SIN3B: variants seen among roughly 807,000 people sequenced by gnomAD.
SIN3B encodes SIN3 transcription regulator family member B, also known as paired amphipathic helix protein Sin3b.
SIN3B carries 19 observed loss-of-function variants against 120.2 expected under a neutral mutation model. That is an observed-to-expected ratio of 0.16 (90% confidence interval 0.11 to 0.23). The LOEUF (loss-of-function observed/expected upper bound fraction) is 0.23. SIN3B is among the 10% of genes least tolerant of loss of function. The pLI is 1.00. For missense variants in SIN3B, 1,073 were observed against 1,573.0 expected, an observed-to-expected ratio of 0.68 and a Z score of 5.38; for synonymous variants, 654 against 653.2, an observed-to-expected ratio of 1.00 and a Z score of -0.02.
rs749567189 is a variant in SIN3B, at chr19:16,847,143, G to T, written c.726+30G>T. The T allele has an allele frequency of 3.8e-6, 6 of 1,594,460 alleles. No individual in the cohort carries two copies. In the African/African-American group the frequency reaches 5.4e-5, roughly 14 times the overall value. On this transcript the variant is annotated intron_variant, in intron 5 of 18. Transcript: ENST00000248054. ...GTGCCGAGAGCCCCTGCCCAGCCTC[G>T]GGGGCCTCAGCGAGGACGGAGGGCC...
intron 10 of SIN3B, 131 bp downstream of exon 10, chr19:16,863,927 C>G: frequency 1.6e-6 from 1 of 637,350 alleles, no homozygotes; most frequent in Non-Finnish European, 2.8e-6. Context: ...ATTCCAACAG[C>G]TCCTGGAAGC....
intron 8 of SIN3B, chr19:16,854,602 C>A: frequency 5.1e-6 from 1 of 195,258 alleles, no homozygotes; most frequent in South Asian, 8.7e-5. Context: ...GCACGTTCTC[C>A]CCATGTCTGC....
At chr19:16,836,238 C>T (rs1047160175) in intron 3 of SIN3B, among the ~76,000 whole-genome samples, 24 of 152,170 alleles carry the variant, frequency 1.6e-4, no homozygotes, top group Admixed American at 4.6e-4. Flanking sequence ...AAGTGTCTCC[C>T]GTGTTGCCGA....
rs776639335 is a variant in SIN3B at position 16,863,706 on chromosome 19, C to T, written c.1293C>T (p.Phe431=). Residue 431 remains phenylalanine, a synonymous_variant, in exon 10 of 19, where the codon TTC becomes TTT. Coordinates refer to ENST00000248054, the MANE Select transcript of SIN3B (RefSeq NM_001297595.2). The part of the protein sequence containing the change: ...KEVLNDTWVS[F]PSWSEDSTFV... ...TACTGAACGACACCTGGGTCTCCTTCCCTTCCTGGTCTGAGGACTCCACGT... is the reference window on the plus strand; with the variant it reads ...TACTGAACGACACCTGGGTCTCCTTTCCTTCCTGGTCTGAGGACTCCACGT... The T allele has an allele frequency of 5.5e-5, 88 of 1,614,006 alleles. 1 individual carries two copies. The South Asian group carries it at 9.7e-4, about 18-fold the overall frequency.
At chr19:16,859,180 C>T (rs751915268) in intron 8 of SIN3B, among the ~76,000 whole-genome samples, 4 of 152,114 alleles carry the variant, frequency 2.6e-5, no homozygotes, top group Admixed American at 6.5e-5. Context: ...AGGCTCAGGT[C>T]GAACCCCTCT....
intron 14 of SIN3B, among the ~76,000 whole-genome samples, chr19:16,875,612 G>T (rs1438387691): frequency 1.4e-5 from 2 of 139,966 alleles, no homozygotes; most frequent in Non-Finnish European, 3.1e-5. Flanking sequence ...TCTGGTTTTG[G>T]TCTGGTTTGG....
intron 10 of SIN3B, 104 bp from the exon 11 acceptor site, chr19:16,865,306 A>ACCCCCC (rs10625481): frequency 1.3e-5 from 5 of 388,728 alleles, no homozygotes; most frequent in African/African-American, 2.7e-5. Flanking sequence ...AAATACACAC[A>ACCCCCC]CCCCCCCCCC....
In SIN3B at chr19:16,851,538, C is replaced by G. The variant is rs749645480; in HGVS notation, c.849+4C>G. ...CCCCGTGTCTGCACCCGCCAAGGTA[C>G]CTGTGAGCCACATGCAGCCATGCCT... On this transcript the variant is annotated splice_donor_region_variant and intron_variant, in intron 6 of 18. Transcript: ENST00000248054. The G allele has an allele frequency of 6.3e-7, 1 of 1,590,106 alleles. No individual in the cohort carries two copies. Among genetic ancestry groups the G allele is most frequent in the Admixed American group, 1.8e-5 (1 of 56,698 alleles).
chr19:16,829,417 G>C lies in SIN3B; in HGVS notation c.-4G>C. On this transcript the variant is annotated 5_prime_UTR_variant, in exon 1 of 19. Coordinates refer to ENST00000248054, the MANE Select transcript of SIN3B (RefSeq NM_001297595.2). ...CGGGGCGGGGCGCAGCTCCGACTTC[G>C]GACATGGCGCACGCTGGCGGTGGCA... 4.2e-6 allele frequency: 5 copies of C among 1,204,350 alleles called. No individual in the cohort carries two copies. The highest frequency in any genetic ancestry group is 4.1e-6 in the Non-Finnish European group (4 of 970,102). The allele number at this position is 1,204,350 out of a possible 1,614,324, so 74.6% of individuals were successfully genotyped here. A position where few individuals can be genotyped will look rare whatever the true frequency, so the allele number is the denominator to read the frequency against.
rs2051676134 is a variant in SIN3B at position 16,880,170 on chromosome 19, G to A, written c.*1443G>A. On this transcript the variant is annotated 3_prime_UTR_variant, in exon 19 of 19. Transcript: ENST00000248054. ...CAGAGCCACCTGGGCCCCGGGTGCA[G>A]CCGGAGACCCCGCCGAGCCCCTCCT... is the stretch of plus-strand genomic sequence containing the variant. 2 of 152,210 alleles carry A rather than the reference G, an allele frequency of 1.3e-5. No homozygotes were observed. Among genetic ancestry groups the A allele is most frequent in the Non-Finnish European group, 2.9e-5 (2 of 68,058 alleles). The allele number at this position is 152,210 out of a possible 1,614,324, so 9.4% of individuals were successfully genotyped here.
chr19:16,831,660 A>G lies in SIN3B; in HGVS notation c.381+13A>G, dbSNP rs372131912. On this transcript the variant is annotated intron_variant, in intron 3 of 18. Coordinates refer to ENST00000248054, the MANE Select transcript of SIN3B (RefSeq NM_001297595.2). Reference sequence around the variant, plus strand: ...TCTGACAAGCCAGGTATGCCACTACAGTGGTTCGGGTGATCTCAGCCTTCA... The same window carrying G: ...TCTGACAAGCCAGGTATGCCACTACGGTGGTTCGGGTGATCTCAGCCTTCA... The G allele has an allele frequency of 1.9e-6, 3 of 1,613,372 alleles. No individual in the cohort carries two copies. Among genetic ancestry groups the G allele is most frequent in the South Asian group, 1.1e-5 (1 of 91,058 alleles).
rs375114733 is a variant in SIN3B, at chr19:16,851,552, G to A, written c.849+18G>A. ...CCGCCAAGGTACCTGTGAGCCACATGCAGCCATGCCTGCACGCGGGGCCCC... is the reference window on the plus strand; with the variant it reads ...CCGCCAAGGTACCTGTGAGCCACATACAGCCATGCCTGCACGCGGGGCCCC... On this transcript the variant is annotated intron_variant, in intron 6 of 18. Transcript: ENST00000248054. 1.3e-6 allele frequency: 2 copies of A among 1,581,820 alleles called. No homozygotes were observed. Among genetic ancestry groups the A allele is most frequent in the Non-Finnish European group, 8.6e-7 (1 of 1,164,078 alleles).
At chr19:16,872,631 A>AG (rs573911060) in intron 14 of SIN3B, 6 of 152,004 alleles carry the variant, frequency 3.9e-5, no homozygotes, top group African/African-American at 4.8e-5. Flanking sequence ...TTTAGTAGAG[A>AG]GGGGGTTTCA....
At chr19:16,855,872 A>G (rs1971608536) in intron 8 of SIN3B, 1 of 151,704 alleles carries the variant, frequency 6.6e-6, no homozygotes, top group Admixed American at 6.6e-5. Context: ...TCTGGGCAAC[A>G]TGGCCAAACC....
At position 16,878,733 on chromosome 19, in the gene SIN3B, C is replaced by A. The variant is rs1290307047; in HGVS notation, c.*6C>A. 2 of 1,590,040 alleles carry A rather than the reference C, an allele frequency of 1.3e-6. No homozygotes were observed. Among genetic ancestry groups the A allele is most frequent in the Non-Finnish European group, 1.7e-6 (2 of 1,171,762 alleles). ...GCCGCCCGGCCTCGCCCTGACCCGC[C>A]CTCATGGGCACCGGGCAGGCGCCTC... On this transcript the variant is annotated 3_prime_UTR_variant, in exon 19 of 19. Transcript: ENST00000248054.
intron 14 of SIN3B, among the ~76,000 whole-genome samples, chr19:16,872,973 T>G (rs1599614897): frequency 6.6e-6 from 1 of 152,250 alleles, no homozygotes; most frequent in East Asian, 1.9e-4. Context: ...TATGTACATT[T>G]CTGCTGCTGC....
chr19:16,832,953 T>C (rs1475640559), intron 3 of SIN3B, among the ~76,000 whole-genome samples: 1 of 152,264 alleles, frequency 6.6e-6, no homozygotes, highest in Admixed American at 6.5e-5. Flanking sequence ...CATAATTCTT[T>C]GCTGTTGGGG....
At chr19:16,856,204 G>T (rs1440658060) in intron 8 of SIN3B, among the ~76,000 whole-genome samples, 1 of 152,160 alleles carries the variant, frequency 6.6e-6, no homozygotes, top group African/African-American at 2.4e-5. Flanking sequence ...GGAAACAACT[G>T]CGCACACTCG....
intron 5 of SIN3B, among the ~76,000 whole-genome samples, chr19:16,848,876 G>A (rs1459203054): frequency 2.0e-5 from 3 of 152,194 alleles, no homozygotes; most frequent in Admixed American, 6.5e-5. Context: ...GGCCTCAAGC[G>A]ATCCTCCCAC....
Sources: gnomAD v4.1 joint callset for allele counts (sites outside exome capture counted in the v4.1 genomes callset) on GRCh38, gnomAD v4.1.1 for gene constraint, MANE v1.5 for transcripts, NCBI Gene and HGNC (gene_info 2026-07-23, HGNC 2026-07-21) for gene names.